Variants in NKAIN2 observed in about 807,000 individuals in gnomAD.
NKAIN2 encodes sodium/potassium transporting ATPase interacting 2, also known as sodium/potassium-transporting ATPase subunit beta-1-interacting protein 2.
In NKAIN2, 14 loss-of-function variants were observed where a neutral mutation model predicts 32.6. The observed-to-expected ratio is 0.43, with a 90% CI of 0.28 to 0.67. The LOEUF (loss-of-function observed/expected upper bound fraction) is 0.67. Among genes scored for constraint, NKAIN2 ranks in the 30% least tolerant of loss-of-function variants. The pLI is 0.17. For missense variants in NKAIN2, 198 were observed against 258.3 expected (o/e 0.77, Z 1.60); for synonymous variants, 80 against 87.2 (o/e 0.92, Z 0.46).
intron 1 of NKAIN2, among the ~76,000 whole-genome samples, chr6:123,832,733 A>G (rs907874284): frequency 4.6e-5 from 7 of 152,114 alleles, no homozygotes; most frequent in African/African-American, 1.7e-4. Flanking sequence ...TATGATGTGG[A>G]GCATTTTCTT....
At chr6:123,933,613 C>T (rs966132810) in intron 1 of NKAIN2, among the ~76,000 whole-genome samples, 10 of 152,276 alleles carry the variant, frequency 6.6e-5, no homozygotes, top group Non-Finnish European at 1.2e-4. Context: ...AGAAAAGTAG[C>T]GTGAGCAAGA....
intron 3 of NKAIN2, among the ~76,000 whole-genome samples, chr6:124,403,123 C>T (rs967930621): frequency 1.3e-5 from 2 of 152,054 alleles, no homozygotes; most frequent in African/African-American, 2.4e-5. Flanking sequence ...AATATTGAAA[C>T]TTTAAATGCA....
At chr6:124,242,319 A>C (rs1054593424) in intron 1 of NKAIN2, among the ~76,000 whole-genome samples, 1 of 152,198 alleles carries the variant, frequency 6.6e-6, no homozygotes, top group Admixed American at 6.5e-5. Flanking sequence ...GTCATTAGAG[A>C]AATGCAAATC....
chr6:124,476,813 T>G lies in NKAIN2; in HGVS notation c.273+121466T>G, dbSNP rs187764209. Among the ~76,000 whole-genome samples, 306 of 152,286 alleles carry G rather than the reference T, an allele frequency of 2.0e-3. 2 individuals carry two copies. Among genetic ancestry groups the G allele is most frequent in the Non-Finnish European group, 2.8e-3 (188 of 68,022 alleles). On this transcript the variant is annotated intron_variant, in intron 3 of 6. Transcript: ENST00000368417. ...GCCCCTGTTTTATTTCTGTGATACA[T>G]GTGACATTGAGGCACAGATACCCCA...
intron 1 of NKAIN2, among the ~76,000 whole-genome samples, chr6:124,126,195 A>C (rs968085187): frequency 2.0e-5 from 3 of 152,048 alleles, no homozygotes; most frequent in Non-Finnish European, 4.4e-5. Flanking sequence ...CTGTCTGTCT[A>C]TCTTTCTCCC....
intron 1 of NKAIN2, among the ~76,000 whole-genome samples, chr6:124,139,059 A>C (rs1192190983): frequency 1.4e-5 from 2 of 145,096 alleles, no homozygotes; most frequent in African/African-American, 2.5e-5. Flanking sequence ...CCTGTTCCCC[A>C]AAAACTTTTT....
chr6:123,984,661 A>G (rs1218300324), intron 1 of NKAIN2, among the ~76,000 whole-genome samples: 1 of 152,178 alleles, frequency 6.6e-6, no homozygotes, highest in Non-Finnish European at 1.5e-5. Flanking sequence ...GTAAATCCTC[A>G]GAAAAGATGT....
chr6:123,839,785 A>AAT (rs1254892904), intron 1 of NKAIN2, among the ~76,000 whole-genome samples: 2 of 152,258 alleles, frequency 1.3e-5, no homozygotes, highest in East Asian at 3.9e-4. Context: ...TAATAGAGAG[A>AAT]ATATAGGAAT....
intron 1 of NKAIN2, among the ~76,000 whole-genome samples, chr6:124,224,145 T>A (rs993855261): frequency 1.3e-5 from 2 of 152,180 alleles, no homozygotes; most frequent in Non-Finnish European, 2.9e-5. Flanking sequence ...ATATTCTGCA[T>A]ACATTTACAT....
intron 1 of NKAIN2, among the ~76,000 whole-genome samples, chr6:124,031,282 AT>A: frequency 6.6e-6 from 1 of 152,002 alleles, no homozygotes; most frequent in East Asian, 1.9e-4. Context: ...TATTACGTCT[AT>A]TTGATTCTTC....
chr6:123,885,157 A>G (rs1773654396), intron 1 of NKAIN2, among the ~76,000 whole-genome samples: 1 of 152,136 alleles, frequency 6.6e-6, no homozygotes. Flanking sequence ...TTTTGTATGC[A>G]TATTTATCCC....
chr6:124,598,576 C>A (rs1369222274), intron 3 of NKAIN2, among the ~76,000 whole-genome samples: 1 of 151,530 alleles, frequency 6.6e-6, no homozygotes, highest in Non-Finnish European at 1.5e-5. Context: ...AAAGCCACAG[C>A]TAACTTCAGT....
chr6:123,933,550 C>T (rs575530709), intron 1 of NKAIN2, among the ~76,000 whole-genome samples: 67 of 152,288 alleles, frequency 4.4e-4, no homozygotes, highest in African/African-American at 1.4e-3. Context: ...AAAGAAACTA[C>T]GGGTTCCTTT....
chr6:124,196,814 A>C (rs1318437807), intron 1 of NKAIN2, among the ~76,000 whole-genome samples: 3 of 151,990 alleles, frequency 2.0e-5, no homozygotes, highest in Non-Finnish European at 2.9e-5. Flanking sequence ...TATTTTATAA[A>C]AGTTTATTCG....
chr6:124,482,987 T>C (rs979967880), intron 3 of NKAIN2, among the ~76,000 whole-genome samples: 1 of 151,904 alleles, frequency 6.6e-6, no homozygotes, highest in African/African-American at 2.4e-5. Context: ...CCGGGCGTGG[T>C]GGTGGGCGCC....
chr6:124,584,191 A>T (rs9398761), intron 3 of NKAIN2, among the ~76,000 whole-genome samples: 6,650 of 152,314 alleles, frequency 0.044, 214 homozygotes, highest in East Asian at 0.17. Flanking sequence ...GAAACCATCA[A>T]CAATGGGAAG....
chr6:124,496,054 C>A (rs1472052735), intron 3 of NKAIN2, among the ~76,000 whole-genome samples: 3 of 152,124 alleles, frequency 2.0e-5, no homozygotes, highest in Admixed American at 1.3e-4. Context: ...TTCTTTTTGG[C>A]ATTTCCTTTT....
intron 1 of NKAIN2, among the ~76,000 whole-genome samples, chr6:123,957,278 G>A (rs1402275094): frequency 6.6e-6 from 1 of 152,106 alleles, no homozygotes; most frequent in East Asian, 1.9e-4. Context: ...TTAAAAATAA[G>A]TAAATCATCA....
chr6:124,779,238 CAACAAAGA>C (rs1337933735), intron 4 of NKAIN2, among the ~76,000 whole-genome samples: 4 of 80,414 alleles, frequency 5.0e-5, no homozygotes, highest in African/African-American at 2.3e-4. Context: ...AGCCAGACTC[CAACAAAGA>C]AAGAGAGAGA....
Sources: gnomAD v4.1 joint callset for allele counts (sites outside exome capture counted in the v4.1 genomes callset) on GRCh38, gnomAD v4.1.1 for gene constraint, MANE v1.5 for transcripts, NCBI Gene and HGNC (gene_info 2026-07-23, HGNC 2026-07-21) for gene names.